CNGB3: variants seen among roughly 807,000 people sequenced by gnomAD.
CNGB3 encodes cyclic nucleotide gated channel subunit beta 3, also known as cyclic nucleotide-gated channel beta-3.
CNGB3 carries 86 observed loss-of-function variants against 92.8 expected under a neutral mutation model. That is an observed-to-expected ratio of 0.93 (90% CI 0.78 to 1.11). The LOEUF is 1.11. Ranked by LOEUF, CNGB3 falls within the 50% of genes least tolerant of loss-of-function variation. CNGB3 has a pLI of 0.00. For missense variants in CNGB3, 1,026 were observed against 956.8 expected, an observed-to-expected ratio of 1.07 and a Z score of -0.95; for synonymous variants, 333 against 332.7, an observed-to-expected ratio of 1.00 and a Z score of -0.01.
At chr8:86,650,083 G>C (rs771184002) in intron 7 of CNGB3, among the ~76,000 whole-genome samples, 1 of 151,200 alleles carries the variant, frequency 6.6e-6, no homozygotes, top group Non-Finnish European at 1.5e-5. Context: ...ATCAAACCTC[G>C]TTGATTTTAC....
At chr8:86,595,451 A>T (rs896794543) in intron 15 of CNGB3, among the ~76,000 whole-genome samples, 3 of 152,220 alleles carry the variant, frequency 2.0e-5, no homozygotes, top group African/African-American at 7.2e-5. Context: ...GTTCAGTGGG[A>T]TATTGTGGGA....
intron 15 of CNGB3, among the ~76,000 whole-genome samples, chr8:86,593,167 C>A (rs1164189159): frequency 1.3e-5 from 2 of 152,148 alleles, no homozygotes; most frequent in Non-Finnish European, 2.9e-5. Flanking sequence ...TGCTTAGTCC[C>A]TTTTCCCCTT....
chr8:86,695,039 A>T (rs1824421550), intron 3 of CNGB3, among the ~76,000 whole-genome samples: 1 of 152,344 alleles, frequency 6.6e-6, no homozygotes, highest in South Asian at 2.1e-4. Flanking sequence ...CTCCGTCTGC[A>T]ATCCCGGCAC....
chr8:86,670,906 CTTCT>C (rs1168162106), intron 4 of CNGB3, 34 bp downstream of exon 4: 1 of 1,610,876 alleles, frequency 6.2e-7, no homozygotes, highest in South Asian at 1.1e-5. Flanking sequence ...CCCCTCAGCA[CTTCT>C]TTCTTCCCAG....
intron 3 of CNGB3, among the ~76,000 whole-genome samples, chr8:86,702,837 C>T (rs926462545): frequency 2.6e-5 from 4 of 151,512 alleles, no homozygotes; most frequent in African/African-American, 9.7e-5. Flanking sequence ...TAAGTATTTT[C>T]TCCGTTTTTC....
At chr8:86,658,238 C>A in intron 6 of CNGB3, 1 of 556,578 alleles carries the variant, frequency 1.8e-6, no homozygotes. Context: ...GTGGCCATGC[C>A]TGCTCCTCCT....
chr8:86,603,473 T>C (rs1409210474), intron 15 of CNGB3, among the ~76,000 whole-genome samples: 1 of 152,220 alleles, frequency 6.6e-6, no homozygotes, highest in Non-Finnish European at 1.5e-5. Context: ...GATAAACTTT[T>C]CCTGGCCAAT....
At chr8:86,667,796 G>T (rs1409072981) in intron 5 of CNGB3, among the ~76,000 whole-genome samples, 1 of 152,230 alleles carries the variant, frequency 6.6e-6, no homozygotes, top group African/African-American at 2.4e-5. Context: ...AGGGGCAGGA[G>T]AGGATCTGGA....
chr8:86,634,704 C>A (rs1374625358), intron 10 of CNGB3, among the ~76,000 whole-genome samples: 1 of 151,406 alleles, frequency 6.6e-6, no homozygotes, highest in Non-Finnish European at 1.5e-5. Context: ...TTACGGAATC[C>A]TGCCCTAGTC....
rs540208230 is a variant in CNGB3, at chr8:86,598,017, A to T, written c.1781+6076T>A. On this transcript the variant is annotated intron_variant, in intron 15 of 17. Transcript: ENST00000320005. ...AAATAAAATAAAATAAAATTAAAATAAAATAAAATAAAGAGAGCAAGGCGA... is the reference window on the plus strand; with the variant it reads ...AAATAAAATAAAATAAAATTAAAATTAAATAAAATAAAGAGAGCAAGGCGA... Among the ~76,000 whole-genome samples, 63 of 152,184 alleles carry T rather than the reference A, an allele frequency of 4.1e-4. No homozygotes were observed. The South Asian group carries it at 5.2e-3, about 13-fold the overall frequency.
chr8:86,634,760 T>C (rs902711116), intron 10 of CNGB3, among the ~76,000 whole-genome samples: 2 of 151,556 alleles, frequency 1.3e-5, no homozygotes, highest in African/African-American at 4.8e-5. Context: ...ACATTAGCAC[T>C]TTGGGTAACT....
chr8:86,654,762 T>C (rs1190524586), intron 6 of CNGB3, among the ~76,000 whole-genome samples: 3 of 152,212 alleles, frequency 2.0e-5, no homozygotes, highest in African/African-American at 7.2e-5. Flanking sequence ...CTTCACTTCC[T>C]ACTTTTCAGT....
At chr8:86,714,404 A>G (rs1824808275) in intron 3 of CNGB3, among the ~76,000 whole-genome samples, 1 of 152,106 alleles carries the variant, frequency 6.6e-6, no homozygotes, top group Non-Finnish European at 1.5e-5. Flanking sequence ...AAGAGATTCT[A>G]GTATTTTAAA....
chr8:86,682,319 C>A (rs1176409175), intron 3 of CNGB3, among the ~76,000 whole-genome samples: 1 of 152,148 alleles, frequency 6.6e-6, no homozygotes, highest in Non-Finnish European at 1.5e-5. Flanking sequence ...AAAATAAGTC[C>A]TGATTTCCTG....
chr8:86,616,768 T>TA (rs1163129877), intron 13 of CNGB3, among the ~76,000 whole-genome samples: 1 of 152,222 alleles, frequency 6.6e-6, no homozygotes, highest in Non-Finnish European at 1.5e-5. Context: ...CATTAATGAA[T>TA]ATATGGTCAT....
At chr8:86,660,461 G>T (rs1823616293) in intron 6 of CNGB3, 1 of 514,110 alleles carries the variant, frequency 1.9e-6, no homozygotes, top group Non-Finnish European at 4.0e-6. Context: ...AAGCCCATTG[G>T]TCAATGAGAA....
chr8:86,695,507 G>A (rs376593867), intron 3 of CNGB3, among the ~76,000 whole-genome samples: 16 of 152,028 alleles, frequency 1.1e-4, no homozygotes, highest in Non-Finnish European at 1.6e-4. Flanking sequence ...ATTTCCAGAC[G>A]TTGTAATTGT....
At chr8:86,659,938 T>C in intron 6 of CNGB3, 1 of 349,750 alleles carries the variant, frequency 2.9e-6, no homozygotes, top group Non-Finnish European at 5.7e-6. Flanking sequence ...TGTTGAAGAG[T>C]TGTCCTGGGC....
chr8:86,623,710 A>G (rs1283690785), intron 13 of CNGB3, among the ~76,000 whole-genome samples: 1 of 151,982 alleles, frequency 6.6e-6, no homozygotes, highest in Non-Finnish European at 1.5e-5. Context: ...ATCCAAAAAC[A>G]AAGAGTTGGT....
Sources: allele counts gnomAD v4.1 joint callset (sites outside exome capture counted in the v4.1 genomes callset), GRCh38; gene constraint gnomAD v4.1.1; transcripts MANE v1.5; gene names NCBI Gene and HGNC (gene_info 2026-07-23, HGNC 2026-07-21).